The following NEDD9 variants were observed in gnomAD, a reference collection of about 807,000 sequenced individuals.
NEDD9 encodes neural precursor cell expressed, developmentally down-regulated 9.
In NEDD9, 26 loss-of-function variants were observed where a neutral mutation model predicts 76.6. The observed-to-expected ratio is 0.34, with a 90% CI of 0.25 to 0.47. The LOEUF (loss-of-function observed/expected upper bound fraction) is 0.47, where lower values mean the gene tolerates loss of function less well. Ranked by LOEUF, NEDD9 falls within the 20% of genes least tolerant of loss-of-function variation. The probability of loss-of-function intolerance (pLI) is 1.00; values close to 1 mark genes in which losing one functional copy is unlikely to be tolerated. For missense variants in NEDD9, 937 were observed against 1,058.5 expected, an observed-to-expected ratio of 0.89 and a Z score of 1.59; for synonymous variants, 392 against 414.2, an observed-to-expected ratio of 0.95 and a Z score of 0.65.
At position 11,196,443 on chromosome 6, in the gene NEDD9, C is replaced by T. The variant is rs1001970958; in HGVS notation, c.460-2751G>A. Reference sequence around the variant, plus strand: ...CCTCAGAAAAGGAAGGCAGGTTCACCGCTAAAGTGTTTCCTTGCCTTTGTG... The same window carrying T: ...CCTCAGAAAAGGAAGGCAGGTTCACTGCTAAAGTGTTTCCTTGCCTTTGTG... On this transcript the variant is annotated intron_variant, in intron 2 of 6. Coordinates refer to ENST00000379446, the MANE Select transcript of NEDD9 (RefSeq NM_006403.4). 2.6e-5 allele frequency among the ~76,000 whole-genome samples: 4 copies of T among 152,126 alleles called. No homozygotes were observed. In the East Asian group the frequency reaches 5.8e-4, roughly 22 times the overall value.
At chr6:11,282,911 C>T (rs528661549) in intron 3 of NEDD9, among the ~76,000 whole-genome samples, 21 of 152,322 alleles carry the variant, frequency 1.4e-4, no homozygotes, top group African/African-American at 3.4e-4. Context: ...TTTCATATCT[C>T]GCTTGGAATA....
chr6:11,329,634 T>C (rs1761992842), intron 2 of NEDD9, among the ~76,000 whole-genome samples: 1 of 152,190 alleles, frequency 6.6e-6, no homozygotes, highest in Non-Finnish European at 1.5e-5. Flanking sequence ...TCTTAGAGCT[T>C]ACAACTCATA....
intron 1 of NEDD9, among the ~76,000 whole-genome samples, chr6:11,358,106 GGCGT>G (rs1404950707): frequency 1.3e-5 from 2 of 152,002 alleles, no homozygotes; most frequent in Admixed American, 6.6e-5. Flanking sequence ...AAATTAGCCG[GGCGT>G]GCGTGCTGCA....
chr6:11,197,149 G>A (rs1220960220), intron 2 of NEDD9, among the ~76,000 whole-genome samples: 2 of 152,080 alleles, frequency 1.3e-5, no homozygotes, highest in Admixed American at 6.5e-5. Flanking sequence ...CTAGGCATTT[G>A]TTCGGTGAGG....
intron 3 of NEDD9, chr6:11,192,647 G>C: frequency 2.2e-6 from 1 of 460,786 alleles, no homozygotes; most frequent in Non-Finnish European, 3.7e-6. Context: ...ATATAAAAAT[G>C]ATTTTGGCCA....
Position 11,192,362 on chromosome 6 carries a change from T to A in NEDD9, c.646A>T (p.Ile216Phe), listed in dbSNP as rs764340011. The change falls in exon 4 of 7, where the codon ATC (isoleucine) becomes TTC (phenylalanine). Residue 216 changes from isoleucine (I) to phenylalanine (F), a missense_variant. Physicochemically the swap from Ile to Phe is conservative, Grantham distance 21. Coordinates refer to ENST00000379446, the MANE Select transcript of NEDD9 (RefSeq NM_006403.4). ...GEIKPQGVYD[I>F]PPTKGVYAIP... Reference sequence around the variant, plus strand: ...TCACTCACCCCTTTTGTAGGCGGGATGTCATACACCCCTTGAGGTTTTATC... The same window carrying A: ...TCACTCACCCCTTTTGTAGGCGGGAAGTCATACACCCCTTGAGGTTTTATC... 3.3e-6 allele frequency: 5 copies of A among 1,528,510 alleles called. No homozygotes were observed. The South Asian group carries it at 5.8e-5, about 18-fold the overall frequency. 94.7% of individuals were successfully genotyped at this position (1,528,510 alleles called of 1,614,324 possible).
intron 3 of NEDD9, among the ~76,000 whole-genome samples, chr6:11,280,333 G>T (rs190631393): frequency 4.7e-4 from 72 of 152,338 alleles, no homozygotes; most frequent in African/African-American, 1.7e-3. Flanking sequence ...TGGCTGTGAG[G>T]TGTGTGGGCT....
intron 3 of NEDD9, among the ~76,000 whole-genome samples, chr6:11,257,428 G>C (rs986347055): frequency 2.0e-5 from 3 of 152,202 alleles, no homozygotes; most frequent in Non-Finnish European, 4.4e-5. Flanking sequence ...AGAGGGAAGA[G>C]AGGGAAGAGT....
chr6:11,271,664 A>G (rs1760310965), intron 3 of NEDD9: 1 of 152,200 alleles, frequency 6.6e-6, no homozygotes. Context: ...AGTTTACCCC[A>G]TACTTCTGTG....
rs1762836030 is a variant in NEDD9, at chr6:11,370,138, T to C, written c.-214+12001A>G. ...CCCTAAGGAACATTTCGTTTAATGATGAAATAGACACATCTCTCTGCTAAA... is the reference window on the plus strand; with the variant it reads ...CCCTAAGGAACATTTCGTTTAATGACGAAATAGACACATCTCTCTGCTAAA... On this transcript the variant is annotated intron_variant, in intron 1 of 3. Transcript: ENST00000397378. The surrounding 1 kb of genome is among the most constrained non-coding windows in gnomAD (Gnocchi z 4.2). 6.6e-6 allele frequency among the ~76,000 whole-genome samples: 1 copy of C among 151,564 alleles called. No individual in the cohort carries two copies. Among genetic ancestry groups the C allele is most frequent in the South Asian group, 2.1e-4 (1 of 4,792 alleles).
intron 2 of NEDD9, among the ~76,000 whole-genome samples, chr6:11,317,757 C>A (rs1260670232): frequency 1.3e-5 from 2 of 152,076 alleles, no homozygotes; most frequent in Non-Finnish European, 2.9e-5. Flanking sequence ...CCAGTGCACC[C>A]GAGAACAGGA....
At chr6:11,308,095 G>A (rs1761245204) in intron 2 of NEDD9, among the ~76,000 whole-genome samples, 1 of 152,140 alleles carries the variant, frequency 6.6e-6, no homozygotes, top group Non-Finnish European at 1.5e-5. Context: ...ATTCCTGACG[G>A]GGGGCCTGGA....
chr6:11,325,368 A>T (rs1003325902), intron 2 of NEDD9, among the ~76,000 whole-genome samples: 9 of 152,076 alleles, frequency 5.9e-5, no homozygotes, highest in Non-Finnish European at 1.2e-4. Context: ...AAAAAAAAAA[A>T]AGAATGTGCA....
chr6:11,354,800 T>C (rs1762534630), intron 1 of NEDD9, among the ~76,000 whole-genome samples: 1 of 152,146 alleles, frequency 6.6e-6, no homozygotes, highest in Non-Finnish European at 1.5e-5. Flanking sequence ...GGAAGGGTCA[T>C]AGCACAAGTC....
intron 1 of NEDD9, among the ~76,000 whole-genome samples, chr6:11,354,893 G>A (rs866061402): frequency 3.3e-5 from 5 of 152,276 alleles, no homozygotes; most frequent in African/African-American, 7.2e-5. Flanking sequence ...GGGAGGATGC[G>A]GGTGTGTGGA....
intron 2 of NEDD9, among the ~76,000 whole-genome samples, chr6:11,202,221 C>A (rs1758473531): frequency 6.6e-6 from 1 of 152,198 alleles, no homozygotes; most frequent in Admixed American, 6.5e-5. Context: ...TGCTTCCTGT[C>A]TATCTCTAAT....
At chr6:11,351,480 T>A (rs1762468577) in intron 1 of NEDD9, among the ~76,000 whole-genome samples, 1 of 152,192 alleles carries the variant, frequency 6.6e-6, no homozygotes, top group African/African-American at 2.4e-5. Context: ...CTTCCCTTGT[T>A]CTACCCTTCT....
In NEDD9 at chr6:11,290,870, C is replaced by T. The variant is rs768405658; in HGVS notation, c.12+15122G>A. Among the ~76,000 whole-genome samples, 34 of 152,216 alleles carry T rather than the reference C, an allele frequency of 2.2e-4. 1 individual carries two copies. The highest frequency in any genetic ancestry group is 3.2e-3 in the Middle Eastern group (1 of 316). On this transcript the variant is annotated intron_variant, in intron 3 of 3. Coordinates refer to the NEDD9 transcript ENST00000397378. ...CTGTCAGCAGCTGTGCTCATCTCTACATCTCCCTGCTTTCTTCGGATTTAG... is the reference window on the plus strand; with the variant it reads ...CTGTCAGCAGCTGTGCTCATCTCTATATCTCCCTGCTTTCTTCGGATTTAG...
intron 3 of NEDD9, among the ~76,000 whole-genome samples, chr6:11,280,875 C>T (rs560156286): frequency 3.9e-5 from 6 of 152,356 alleles, no homozygotes; most frequent in Non-Finnish European, 8.8e-5. Flanking sequence ...GTTCCTGTTA[C>T]ATTAGGATAA....
Sources: gnomAD v4.1 joint callset for allele counts (sites outside exome capture counted in the v4.1 genomes callset) on GRCh38, gnomAD v4.1.1 for gene constraint, Gnocchi (gnomAD v3.1) non-coding constraint, MANE v1.5 for transcripts, NCBI Gene and HGNC (gene_info 2026-07-23, HGNC 2026-07-21) for gene names.